TRIP11: variants seen among roughly 807,000 people sequenced by gnomAD.
The protein encoded by TRIP11 is thyroid hormone receptor interactor 11, also known as thyroid receptor-interacting protein 11.
Under a neutral mutation model 223.1 loss-of-function variants are expected in TRIP11, and 148 were observed. That is an observed-to-expected ratio of 0.66 (90% CI 0.58 to 0.76). The LOEUF (loss-of-function observed/expected upper bound fraction) is 0.76, where lower values mean the gene tolerates loss of function less well. TRIP11 is among the 30% of genes least tolerant of loss of function. The probability of loss-of-function intolerance (pLI) is 0.00; values close to 1 mark genes in which losing one functional copy is unlikely to be tolerated. For synonymous variants in TRIP11, 762 were observed against 772.6 expected (o/e 0.99, Z 0.23); for missense variants, 2,043 against 2,222.0 (o/e 0.92, Z 1.62).
chr14:91,993,791 A>G lies in TRIP11; in HGVS notation c.5160+18T>C. The G allele has an allele frequency of 6.3e-7, 1 of 1,581,644 alleles. No individual in the cohort carries two copies. The highest frequency in any genetic ancestry group is 1.1e-5 in the South Asian group (1 of 90,322). On this transcript the variant is annotated intron_variant, in intron 15 of 20. Coordinates refer to ENST00000267622, the MANE Select transcript of TRIP11 (RefSeq NM_004239.4). ...CCATGAATAATAAAACCTACAAGAG[A>G]AAACTATTTTGTCCTACCTGTAATG...
chr14:91,991,682 T>G (rs1304248597), intron 15 of TRIP11, among the ~76,000 whole-genome samples: 2 of 152,176 alleles, frequency 1.3e-5, no homozygotes, highest in Non-Finnish European at 2.9e-5. Flanking sequence ...ATGGGTAAAT[T>G]ATATATTAAT....
Position 92,003,913 on chromosome 14 carries a change from A to T in TRIP11, c.4063T>A (p.Ser1355Thr), listed in dbSNP as rs138661581. The T allele has an allele frequency of 1.6e-4, 259 of 1,613,894 alleles. No individual in the cohort carries two copies. The African/African-American group carries it at 3.1e-3, about 19-fold the overall frequency. The change falls in exon 11 of 21, where the codon TCA (serine) becomes ACA (threonine). Residue 1355 changes from serine (S) to threonine (T), a missense_variant. Transcript: ENST00000267622. The stretch of plus-strand genomic sequence containing the variant: ...ATTGTTGCATCTTTTTCCTGTAGTG[A>T]TTTTCTTAGCTCTTCTAACTCTTGC... ...LQQELEELRK[S>T]LQEKDATIRT...
At chr14:92,022,990 T>G (rs2057133402) in intron 3 of TRIP11, among the ~76,000 whole-genome samples, 1 of 152,192 alleles carries the variant, frequency 6.6e-6, no homozygotes, top group African/African-American at 2.4e-5. Flanking sequence ...TAATCATATA[T>G]TTCATCCTCG....
intron 20 of TRIP11, among the ~76,000 whole-genome samples, chr14:91,970,433 T>TA (rs112330218): frequency 0.16 from 23,812 of 146,982 alleles, 2,464 homozygotes; most frequent in African/African-American, 0.31. Context: ...AAATTAAAAT[T>TA]AAAAAAAAAA....
chr14:92,033,387 A>C, intron 1 of TRIP11, 134 bp from the exon 2 acceptor site: 1 of 697,944 alleles, frequency 1.4e-6, no homozygotes, highest in South Asian at 1.8e-5. Flanking sequence ...AGAAGAAACA[A>C]ATCGCTTTAT....
chr14:92,000,543 G>A (rs1314305419), intron 11 of TRIP11, among the ~76,000 whole-genome samples: 2 of 152,122 alleles, frequency 1.3e-5, no homozygotes, highest in East Asian at 3.8e-4. Flanking sequence ...AGGTCTATGA[G>A]ACCTATCTTT....
Position 92,003,751 on chromosome 14 carries a change from G to T in TRIP11, c.4225C>A (p.Leu1409Ile). ...KEKQDVLQKL[L>I]KEKDLLIKAK... Reference sequence around the variant, plus strand: ...TTGATTAAGAGGTCTTTTTCCTTAAGTAACTTTTGCAAAACATCTTGTTTC... The same window carrying T: ...TTGATTAAGAGGTCTTTTTCCTTAATTAACTTTTGCAAAACATCTTGTTTC... The change falls in exon 11 of 21, where the codon CTT (leucine) becomes ATT (isoleucine). Residue 1409 changes from leucine to isoleucine, a missense_variant. Leu to Ile is a conservative substitution (Grantham distance 5). Transcript: ENST00000267622. 4 of 1,614,108 alleles carry T rather than the reference G, an allele frequency of 2.5e-6. No homozygotes were observed. The highest frequency in any genetic ancestry group is 3.4e-6 in the Non-Finnish European group (4 of 1,180,018).
At chr14:91,983,205 T>C (rs925639173) in intron 16 of TRIP11, among the ~76,000 whole-genome samples, 3 of 152,236 alleles carry the variant, frequency 2.0e-5, no homozygotes, top group Non-Finnish European at 4.4e-5. Flanking sequence ...GCATGTCATC[T>C]TCCCTTCCTG....
At chr14:92,001,633 G>A (rs7144542) in intron 11 of TRIP11, among the ~76,000 whole-genome samples, 5,487 of 152,186 alleles carry the variant, frequency 0.036, 319 homozygotes, top group African/African-American at 0.11. Flanking sequence ...TGAGGAGAGT[G>A]TTAATAATAT....
Position 92,004,310 on chromosome 14 carries a change from T to G in TRIP11, c.3666A>C (p.Glu1222Asp), listed in dbSNP as rs769979770. The G allele has an allele frequency of 1.9e-6, 3 of 1,614,128 alleles. No homozygotes were observed. The highest frequency in any genetic ancestry group is 2.5e-6 in the Non-Finnish European group (3 of 1,180,026). ...TGGTCATCACCTGCTGCTTCCACTC[T>G]TCCATTTTCTTTACTTGCTGTTTTA... is the stretch of plus-strand genomic sequence containing the variant. Reference protein sequence around the residue: ...DKLKQQVKKMEEWKQQVMTTV... With the variant: ...DKLKQQVKKMDEWKQQVMTTV... Residue 1222 changes from glutamate (E) to aspartate (D), a missense_variant, in exon 11 of 21, where the codon GAA becomes GAC. By Grantham distance (45) the Glu-to-Asp change is conservative. Transcript: ENST00000267622.
At chr14:91,979,691 T>C (rs55950945) in intron 16 of TRIP11, among the ~76,000 whole-genome samples, 23,951 of 151,996 alleles carry the variant, frequency 0.16, 2,463 homozygotes, top group African/African-American at 0.3. Flanking sequence ...TAAGGGACGG[T>C]GCTAGAAGGA....
At chr14:92,001,793 G>C (rs2056830417) in intron 11 of TRIP11, among the ~76,000 whole-genome samples, 1 of 152,100 alleles carries the variant, frequency 6.6e-6, no homozygotes, top group Non-Finnish European at 1.5e-5. Context: ...GAGCCAATTT[G>C]GGCTAGTGAA....
rs1338889390 is a variant in TRIP11 at position 92,037,739 on chromosome 14, G to A, written c.139+1808C>T. ...AAAAATACAAAAATTAGCCAGGTGT[G>A]GTGGCACACGCCTGTAATCCCAGCT... is the stretch of plus-strand genomic sequence containing the variant. On this transcript the variant is annotated intron_variant, in intron 1 of 20. Transcript: ENST00000267622. This position sits in a 1 kb window ranked among gnomAD's most constrained non-coding sequence, Gnocchi z 4.2. Among the ~76,000 whole-genome samples the A allele has an allele frequency of 6.6e-6, 1 of 152,184 alleles. No individual in the cohort carries two copies. The highest frequency in any genetic ancestry group is 1.5e-5 in the Non-Finnish European group (1 of 68,036).
Position 92,017,692 on chromosome 14 carries a change from T to C in TRIP11, c.647A>G (p.Asn216Ser), listed in dbSNP as rs2057051660. ...SDQSEICKLQ[N>S]IIKELKQNRS... ...AACAATTTGACTTACCTTAATGATA[T>C]TTTGTAGTTTACATATTTCACTTTG... The change falls in exon 5 of 21, where the codon AAT (asparagine) becomes AGT (serine). Residue 216 changes from asparagine (N) to serine (S), a missense_variant. By Grantham distance (46) the Asn-to-Ser change is conservative. Coordinates refer to ENST00000267622, the MANE Select transcript of TRIP11 (RefSeq NM_004239.4). 6.2e-7 allele frequency: 1 copy of C among 1,611,822 alleles called. No homozygotes were observed. Among genetic ancestry groups the C allele is most frequent in the African/African-American group, 1.3e-5 (1 of 75,030 alleles).
chr14:91,998,083 G>A (rs10083447), intron 13 of TRIP11, among the ~76,000 whole-genome samples: 78,647 of 151,856 alleles, frequency 0.52, 21,513 homozygotes, highest in African/African-American at 0.7. Flanking sequence ...GGGTTAATTC[G>A]CAGGAATATT....
intron 4 of TRIP11, among the ~76,000 whole-genome samples, chr14:92,018,652 T>C (rs1173912282): frequency 6.6e-6 from 1 of 152,132 alleles, no homozygotes; most frequent in Admixed American, 6.5e-5. Context: ...CAATGGATTA[T>C]ATGACTTAAA....
chr14:92,039,880 G>T lies in TRIP11; in HGVS notation c.-195C>A. 1 of 1,132,054 alleles carries T rather than the reference G, an allele frequency of 8.8e-7. No homozygotes were observed. Among genetic ancestry groups the T allele is most frequent in the Non-Finnish European group, 1.2e-6 (1 of 808,006 alleles). The allele number at this position is 1,132,054 out of a possible 1,614,324, so 70.1% of individuals were successfully genotyped here. ...GAGGCCTGGCCTGGAATTTTACCAG[G>T]GGCCCGCCTCTAGTGACACAGTCAC... On this transcript the variant is annotated 5_prime_UTR_variant, in exon 1 of 21. Coordinates refer to ENST00000267622, the MANE Select transcript of TRIP11 (RefSeq NM_004239.4).
At chr14:92,026,836 TGAG>T (rs1283695148) in intron 2 of TRIP11, 13 of 1,445,490 alleles carry the variant, frequency 9.0e-6, no homozygotes, top group Non-Finnish European at 1.9e-6. Context: ...CTGAAGATGA[TGAG>T]GATGACGATG....
rs570718408 is a variant in TRIP11, at chr14:91,976,829, A to G, written c.5261-640T>C. On this transcript the variant is annotated intron_variant, in intron 16 of 20. Coordinates refer to ENST00000267622, the MANE Select transcript of TRIP11 (RefSeq NM_004239.4). ...ATTATTTAAAAAGGAAGCAAAATCC[A>G]TAAAATCTTGGTGGAATAGTTGGAA... Among the ~76,000 whole-genome samples, 5 of 152,340 alleles carry G rather than the reference A, an allele frequency of 3.3e-5. No individual in the cohort carries two copies. In the South Asian group the frequency reaches 1.0e-3, roughly 32 times the overall value.
Sources: allele counts gnomAD v4.1 joint callset (sites outside exome capture counted in the v4.1 genomes callset), GRCh38; gene constraint gnomAD v4.1.1; non-coding constraint Gnocchi (gnomAD v3.1); transcripts MANE v1.5; gene names NCBI Gene and HGNC (gene_info 2026-07-23, HGNC 2026-07-21).